Variants in MYLK observed in about 807,000 individuals in gnomAD.
The protein encoded by MYLK is myosin light chain kinase, smooth muscle.
MYLK carries 106 observed loss-of-function variants against 203.4 expected under a neutral mutation model. The observed-to-expected ratio is 0.52, with a 90% confidence interval of 0.45 to 0.61. MYLK has a LOEUF of 0.61. Ranked by LOEUF, MYLK falls within the 20% of genes least tolerant of loss-of-function variation. The pLI is 0.00. For synonymous variants in MYLK, 867 were observed against 959.5 expected, an observed-to-expected ratio of 0.90 and a Z score of 1.78; for missense variants, 2,072 against 2,442.3, an observed-to-expected ratio of 0.85 and a Z score of 3.20.
chr3:123,757,872 C>T (rs1363017092), intron 4 of MYLK, among the ~76,000 whole-genome samples: 1 of 152,106 alleles, frequency 6.6e-6, no homozygotes, highest in East Asian at 1.9e-4. Context: ...GAACTTCTTA[C>T]CCTGTTACAA....
chr3:123,812,171 T>C (rs1473787136), intron 3 of MYLK, among the ~76,000 whole-genome samples: 1 of 152,136 alleles, frequency 6.6e-6, no homozygotes, highest in Non-Finnish European at 1.5e-5. Context: ...CCCTCATACC[T>C]ATTAGTCAGG....
At chr3:123,799,778 T>C (rs1683379555) in intron 3 of MYLK, 1 of 152,498 alleles carries the variant, frequency 6.6e-6, no homozygotes. Context: ...GCTGACTTGC[T>C]ATGACCTACC....
intron 31 of MYLK, among the ~76,000 whole-genome samples, chr3:123,625,839 TGTG>T (rs1298555603): frequency 6.6e-6 from 1 of 151,902 alleles, no homozygotes; most frequent in Non-Finnish European, 1.5e-5. Flanking sequence ...TAATTCTAAT[TGTG>T]GTAATAAAAA....
At chr3:123,728,701 A>T (rs1217558795) in intron 11 of MYLK, among the ~76,000 whole-genome samples, 1 of 152,106 alleles carries the variant, frequency 6.6e-6, no homozygotes, top group Admixed American at 6.5e-5. Flanking sequence ...AACTCTGAAA[A>T]CCGACAGTAC....
At chr3:123,692,694 C>A (rs546977989) in intron 19 of MYLK, 41 bp downstream of exon 19, 56 of 1,472,930 alleles carry the variant, frequency 3.8e-5, no homozygotes, top group Non-Finnish European at 4.9e-5. Context: ...AGAAATGGGA[C>A]CCCTGTGTAT....
intron 2 of MYLK, among the ~76,000 whole-genome samples, chr3:123,847,745 T>C (rs2148660304): frequency 6.6e-6 from 1 of 152,244 alleles, no homozygotes; most frequent in South Asian, 2.1e-4. Context: ...TTCTATTCCT[T>C]TCACAAACTC....
chr3:123,639,827 C>G (rs2108105712), intron 28 of MYLK, among the ~76,000 whole-genome samples: 1 of 152,286 alleles, frequency 6.6e-6, no homozygotes, highest in South Asian at 2.1e-4. Context: ...CCCTGCTCAC[C>G]TCATGGTGAG....
intron 2 of MYLK, among the ~76,000 whole-genome samples, chr3:123,837,897 A>G (rs1454849952): frequency 2.0e-5 from 3 of 152,168 alleles, no homozygotes; most frequent in Non-Finnish European, 4.4e-5. Flanking sequence ...GTAGGGGGAA[A>G]AAAAGAAAAC....
chr3:123,671,117 G>T (rs2059900962), intron 20 of MYLK, among the ~76,000 whole-genome samples: 2 of 152,190 alleles, frequency 1.3e-5, no homozygotes, highest in Admixed American at 1.3e-4. Context: ...TAATTTAAGG[G>T]GCTAAACAAG....
rs56228591 is a variant in MYLK at position 123,870,939 on chromosome 3, C to T, written c.-127+5620G>A. On this transcript the variant is annotated intron_variant, in intron 2 of 33. Transcript: ENST00000360304. ...AACTGCAGGAACTCCAACTCCCTTT[C>T]CTCTCCTTTCTACAGACCATATTGG... Among the ~76,000 whole-genome samples the T allele has an allele frequency of 8.4e-3, 1,272 of 152,278 alleles. 12 individuals are homozygous for T. The highest frequency in any genetic ancestry group is 0.027 in the African/African-American group (1,132 of 41,550).
At chr3:123,836,324 A>C (rs917776980) in intron 2 of MYLK, among the ~76,000 whole-genome samples, 1 of 152,162 alleles carries the variant, frequency 6.6e-6, no homozygotes, top group Non-Finnish European at 1.5e-5. Flanking sequence ...TCCAGCACCA[A>C]CTTCTCTTCC....
At chr3:123,709,120 G>A in intron 14 of MYLK, 1 of 408,194 alleles carries the variant, frequency 2.4e-6, no homozygotes, top group Non-Finnish European at 4.4e-6. Flanking sequence ...TGAGATTTGG[G>A]AAGTTCTCAC....
chr3:123,684,076 C>T (rs550456942), intron 19 of MYLK, among the ~76,000 whole-genome samples: 1 of 152,296 alleles, frequency 6.6e-6, no homozygotes, highest in Admixed American at 6.5e-5. Context: ...CATTTTCTTA[C>T]ACTGGACATT....
chr3:123,757,843 GC>G (rs1262152813), intron 4 of MYLK, among the ~76,000 whole-genome samples: 1 of 152,170 alleles, frequency 6.6e-6, no homozygotes, highest in African/African-American at 2.4e-5. Context: ...TTGCCTGCCT[GC>G]CTGTAACACA....
intron 16 of MYLK, among the ~76,000 whole-genome samples, chr3:123,707,006 T>C (rs958129168): frequency 2.6e-5 from 4 of 152,180 alleles, no homozygotes; most frequent in African/African-American, 9.7e-5. Flanking sequence ...TCGGAAGTGA[T>C]GGCGTGTGGC....
At chr3:123,795,232 GA>G (rs1335041364) in intron 3 of MYLK, among the ~76,000 whole-genome samples, 3 of 152,122 alleles carry the variant, frequency 2.0e-5, no homozygotes, top group Non-Finnish European at 4.4e-5. Context: ...AAATAAGGGG[GA>G]AAAGTTGCTT....
chr3:123,759,074 C>T (rs756013552), intron 4 of MYLK, among the ~76,000 whole-genome samples: 4 of 152,208 alleles, frequency 2.6e-5, no homozygotes, highest in Non-Finnish European at 5.9e-5. Context: ...ATCTGCCTGC[C>T]TTGGCTTCCC....
intron 2 of MYLK, among the ~76,000 whole-genome samples, chr3:123,852,266 G>C (rs1398997113): frequency 2.6e-5 from 4 of 152,196 alleles, no homozygotes; most frequent in African/African-American, 9.7e-5. Context: ...CATAAAATGA[G>C]TTAGGGAGGA....
intron 3 of MYLK, among the ~76,000 whole-genome samples, chr3:123,827,680 A>T (rs2066166667): frequency 8.3e-6 from 1 of 120,816 alleles, no homozygotes; most frequent in Admixed American, 8.8e-5. Flanking sequence ...TGGAAATGAA[A>T]AGATGAAAAA....
Sources: allele counts gnomAD v4.1 joint callset (sites outside exome capture counted in the v4.1 genomes callset), GRCh38; gene constraint gnomAD v4.1.1; transcripts MANE v1.5; gene names NCBI Gene and HGNC (gene_info 2026-07-23, HGNC 2026-07-21).